Variants in SNTG2 observed in about 807,000 individuals in gnomAD.
SNTG2 encodes the protein gamma-2-syntrophin.
SNTG2 carries 74 observed loss-of-function variants against 70.9 expected under a neutral mutation model. The ratio of observed to expected loss-of-function variants is 1.04; its 90% CI spans 0.86 to 1.27. The LOEUF (loss-of-function observed/expected upper bound fraction) is 1.27. Among genes scored for constraint, SNTG2 ranks in the 50% most tolerant of loss-of-function variants. The pLI is 0.00. For synonymous variants in SNTG2, 278 were observed against 273.8 expected (o/e 1.02, Z -0.15); for missense variants, 717 against 690.7 (o/e 1.04, Z -0.43).
intron 12 of SNTG2, among the ~76,000 whole-genome samples, chr2:1,250,539 T>C (rs1407835282): frequency 1.3e-5 from 2 of 152,166 alleles, no homozygotes; most frequent in East Asian, 3.9e-4. Flanking sequence ...CTCTGCCCAC[T>C]CTTTGCTCCT....
intron 10 of SNTG2, among the ~76,000 whole-genome samples, 198 bp from the exon 11 acceptor site, chr2:1,239,540 T>C (rs28760535): frequency 0.11 from 16,182 of 152,234 alleles, 894 homozygotes; most frequent in South Asian, 0.15. Context: ...AAAAGAGGAA[T>C]TGAAGCCTGC....
chr2:1,093,571 A>G (rs7594608), intron 2 of SNTG2, among the ~76,000 whole-genome samples: 4 of 152,258 alleles, frequency 2.6e-5, no homozygotes, highest in African/African-American at 9.6e-5. Flanking sequence ...ATAATTATAT[A>G]ATGTTCATTT....
At chr2:1,079,697 A>G (rs1310598000) in intron 1 of SNTG2, among the ~76,000 whole-genome samples, 1 of 152,146 alleles carries the variant, frequency 6.6e-6, no homozygotes, top group Non-Finnish European at 1.5e-5. Flanking sequence ...CACCAAGTTC[A>G]GTGTTTTCCA....
At chr2:1,037,573 G>T (rs1661200985) in intron 1 of SNTG2, among the ~76,000 whole-genome samples, 1 of 151,976 alleles carries the variant, frequency 6.6e-6, no homozygotes, top group Non-Finnish European at 1.5e-5. Context: ...GACTTCTGAG[G>T]CTTTATATAC....
chr2:1,114,651 CTAAG>C (rs1301224300), intron 4 of SNTG2, among the ~76,000 whole-genome samples: 4 of 151,580 alleles, frequency 2.6e-5, no homozygotes, highest in Non-Finnish European at 4.4e-5. Context: ...ATCTTCTGTA[CTAAG>C]TGAGGTTTAA....
At chr2:1,063,123 C>G (rs930494925) in intron 1 of SNTG2, among the ~76,000 whole-genome samples, 2 of 152,188 alleles carry the variant, frequency 1.3e-5, no homozygotes, top group African/African-American at 4.8e-5. Flanking sequence ...CATAGATAAA[C>G]TCTCAGATCA....
intron 13 of SNTG2, among the ~76,000 whole-genome samples, chr2:1,266,175 CAG>C (rs61105769): frequency 5.7e-4 from 84 of 148,464 alleles, no homozygotes; most frequent in Admixed American, 8.0e-4. Context: ...GAAATGGAGA[CAG>C]AGAGAGAGAG....
rs75949832 is a variant in SNTG2, at chr2:957,430, T to A, written c.72+6362T>A. ...CGATGATTAAGTGCCATTTGGAGAATTGCTTTATCATGATGCACCTTACGT... is the reference window on the plus strand; with the variant it reads ...CGATGATTAAGTGCCATTTGGAGAAATGCTTTATCATGATGCACCTTACGT... On this transcript the variant is annotated intron_variant, in intron 1 of 16. Transcript: ENST00000308624. Among the ~76,000 whole-genome samples, 1,123 of 152,170 alleles carry A rather than the reference T, an allele frequency of 7.4e-3. 17 individuals are homozygous for A. Among genetic ancestry groups the A allele is most frequent in the African/African-American group, 0.026 (1,065 of 41,536 alleles).
chr2:1,248,710 G>T (rs1328933965), intron 12 of SNTG2, among the ~76,000 whole-genome samples: 1 of 152,202 alleles, frequency 6.6e-6, no homozygotes, highest in East Asian at 1.9e-4. Flanking sequence ...GGTATTGAAA[G>T]ACTCGGAGGA....
At chr2:1,304,598 CGCCTGTAATCCCAGCTA>C (rs1680595458) in intron 14 of SNTG2, among the ~76,000 whole-genome samples, 1 of 151,860 alleles carries the variant, frequency 6.6e-6, no homozygotes, top group African/African-American at 2.4e-5. Context: ...TGGTGGGGGA[CGCCTGTAATCCCAGCTA>C]CTTGGGAGTC....
At chr2:1,295,914 T>A (rs1680188939) in intron 14 of SNTG2, among the ~76,000 whole-genome samples, 1 of 151,798 alleles carries the variant, frequency 6.6e-6, no homozygotes. Flanking sequence ...TCTTCCATGT[T>A]GGGGTGGGAG....
chr2:1,021,935 GCTT>G (rs1405335050), intron 1 of SNTG2, among the ~76,000 whole-genome samples: 3 of 45,002 alleles, frequency 6.7e-5, no homozygotes, highest in Non-Finnish European at 1.4e-4. Flanking sequence ...TGTTTTATGT[GCTT>G]TTTTTTTTTT....
chr2:1,042,982 C>T lies in SNTG2; in HGVS notation c.73-40536C>T, dbSNP rs749601865. On this transcript the variant is annotated intron_variant, in intron 1 of 16. Coordinates refer to ENST00000308624, the MANE Select transcript of SNTG2 (RefSeq NM_018968.4). ...CAGTTATTGAACTAATTTGGATTCC[C>T]ACCAGCAGTGTGTACCTGTACCCTT... 8.9e-4 allele frequency among the ~76,000 whole-genome samples: 136 copies of T among 152,196 alleles called. 4 individuals carry two copies. The highest frequency in any genetic ancestry group is 6.3e-4 in the Non-Finnish European group (43 of 68,032).
intron 1 of SNTG2, among the ~76,000 whole-genome samples, chr2:1,057,048 C>T (rs1264526544): frequency 6.6e-6 from 1 of 151,878 alleles, no homozygotes; most frequent in African/African-American, 2.4e-5. Context: ...CATGCCGCTT[C>T]CTCCAGGACC....
intron 1 of SNTG2, among the ~76,000 whole-genome samples, chr2:977,833 A>G (rs572531242): frequency 1.3e-5 from 2 of 152,176 alleles, no homozygotes; most frequent in Admixed American, 6.5e-5. Flanking sequence ...TTTTCTGAGG[A>G]TGGCAGAGCC....
intron 9 of SNTG2, among the ~76,000 whole-genome samples, chr2:1,236,883 G>A (rs1276237932): frequency 6.6e-6 from 1 of 151,966 alleles, no homozygotes; most frequent in East Asian, 1.9e-4. Context: ...TTTATCTTCA[G>A]TTAGCTGCTT....
intron 1 of SNTG2, among the ~76,000 whole-genome samples, chr2:1,055,903 A>T (rs1662362154): frequency 1.3e-5 from 2 of 152,114 alleles, no homozygotes; most frequent in South Asian, 4.1e-4. Context: ...ACTGAATGCA[A>T]ATTAGCCCTT....
intron 9 of SNTG2, among the ~76,000 whole-genome samples, chr2:1,232,651 C>T (rs949032723): frequency 6.6e-6 from 1 of 152,088 alleles, no homozygotes; most frequent in Non-Finnish European, 1.5e-5. Flanking sequence ...CTTAAATTAG[C>T]CCTCTTTATT....
At chr2:1,292,457 T>C (rs1427327817) in intron 14 of SNTG2, among the ~76,000 whole-genome samples, 1 of 152,194 alleles carries the variant, frequency 6.6e-6, no homozygotes, top group East Asian at 1.9e-4. Context: ...AGTCTTTCAC[T>C]ATTGAGTATG....
Sources: gnomAD v4.1 joint callset for allele counts (sites outside exome capture counted in the v4.1 genomes callset) on GRCh38, gnomAD v4.1.1 for gene constraint, MANE v1.5 for transcripts, NCBI Gene and HGNC (gene_info 2026-07-23, HGNC 2026-07-21) for gene names.